The following EYS variants were observed in gnomAD, a reference collection of about 807,000 sequenced individuals.
EYS encodes the protein EGF-like photoreceptor maintenance factor.
Under a neutral mutation model 282.1 loss-of-function variants are expected in EYS, and 250 were observed. The observed-to-expected ratio is 0.89, with a 90% confidence interval of 0.80 to 0.98. The LOEUF is 0.98. Among genes scored for constraint, EYS ranks in the 50% least tolerant of loss-of-function variants. EYS has a pLI of 0.00. For missense variants in EYS, 4,016 were observed against 3,709.0 expected (o/e 1.08, Z -2.15); for synonymous variants, 1,355 against 1,282.9 (o/e 1.06, Z -1.20).
At chr6:64,268,326 T>C (rs74996682) in intron 30 of EYS, among the ~76,000 whole-genome samples, 1,658 of 152,254 alleles carry the variant, frequency 0.011, 33 homozygotes, top group African/African-American at 0.038. Flanking sequence ...AGTGTATATA[T>C]GAATAGACAA....
chr6:65,153,890 G>A (rs986319163), intron 12 of EYS, among the ~76,000 whole-genome samples: 26 of 151,738 alleles, frequency 1.7e-4, no homozygotes, highest in Non-Finnish European at 3.2e-4. Flanking sequence ...CTCTTCACAA[G>A]TGACATTTAT....
At chr6:65,393,178 G>C (rs1015481532) in intron 7 of EYS, among the ~76,000 whole-genome samples, 5 of 151,834 alleles carry the variant, frequency 3.3e-5, no homozygotes, top group Non-Finnish European at 7.4e-5. Context: ...GTTGTGGGGT[G>C]GGGGGACGGG....
chr6:65,135,751 A>T (rs1348597397), intron 12 of EYS, among the ~76,000 whole-genome samples: 1 of 151,878 alleles, frequency 6.6e-6, no homozygotes, highest in Non-Finnish European at 1.5e-5. Context: ...GATATGGTTC[A>T]TCTGGAATTT....
intron 13 of EYS, among the ~76,000 whole-genome samples, chr6:65,053,787 A>G (rs1013555303): frequency 6.6e-6 from 1 of 151,946 alleles, no homozygotes; most frequent in Non-Finnish European, 1.5e-5. Context: ...AAAGGCCTGG[A>G]TATTCTCCCA....
chr6:65,302,546 TA>T, intron 11 of EYS: 1 of 943,550 alleles, frequency 1.1e-6, no homozygotes, highest in Non-Finnish European at 1.7e-6. Context: ...AGAAGACTGC[TA>T]TTTTTTTTTC....
intron 29 of EYS, among the ~76,000 whole-genome samples, chr6:64,380,172 G>A (rs945225441): frequency 2.0e-5 from 3 of 151,832 alleles, no homozygotes; most frequent in African/African-American, 7.3e-5. Context: ...CATTCTCTCT[G>A]AGGGTAAAGA....
chr6:64,095,013 C>T (rs902858727), intron 31 of EYS, among the ~76,000 whole-genome samples: 1 of 151,956 alleles, frequency 6.6e-6, no homozygotes, highest in Non-Finnish European at 1.5e-5. Flanking sequence ...CATTATGTAC[C>T]CAGTAGTCAT....
intron 13 of EYS, among the ~76,000 whole-genome samples, chr6:65,007,658 C>A (rs553852739): frequency 6.6e-6 from 1 of 152,036 alleles, no homozygotes; most frequent in Non-Finnish European, 1.5e-5. Flanking sequence ...TGAATAAGGA[C>A]CCCCCTTCAA....
chr6:64,793,743 T>C (rs1774262094), intron 22 of EYS, among the ~76,000 whole-genome samples: 1 of 152,198 alleles, frequency 6.6e-6, no homozygotes, highest in African/African-American at 2.4e-5. Flanking sequence ...ATTACATAAG[T>C]TGAAATTTTA....
At chr6:64,225,773 A>T in intron 31 of EYS, among the ~76,000 whole-genome samples, 1 of 152,104 alleles carries the variant, frequency 6.6e-6, no homozygotes, top group East Asian at 1.9e-4. Flanking sequence ...GTAGTAGTTC[A>T]TAGTGAAGAG....
chr6:64,163,684 T>C (rs1775179112), intron 31 of EYS, among the ~76,000 whole-genome samples: 1 of 152,126 alleles, frequency 6.6e-6, no homozygotes, highest in African/African-American at 2.4e-5. Context: ...TTGCACATGG[T>C]ACTTAAGGCA....
At chr6:65,308,041 C>T (rs896405294) in intron 11 of EYS, among the ~76,000 whole-genome samples, 1 of 140,820 alleles carries the variant, frequency 7.1e-6, no homozygotes, top group African/African-American at 2.7e-5. Flanking sequence ...GGTGTGATCT[C>T]AGCTCACTGC....
chr6:63,895,836 A>G (rs758962620), intron 35 of EYS, among the ~76,000 whole-genome samples: 2 of 150,970 alleles, frequency 1.3e-5, no homozygotes, highest in African/African-American at 2.4e-5. Flanking sequence ...TCCGCTTAAT[A>G]CACTCTTTCT....
intron 18 of EYS, among the ~76,000 whole-genome samples, chr6:64,895,751 A>G (rs1178169278): frequency 6.6e-6 from 1 of 152,184 alleles, no homozygotes; most frequent in Non-Finnish European, 1.5e-5. Context: ...AAAAATAAGA[A>G]TCTGAGTTTA....
intron 33 of EYS, among the ~76,000 whole-genome samples, chr6:64,058,289 T>C (rs1045684518): frequency 2.0e-5 from 3 of 151,364 alleles, no homozygotes; most frequent in East Asian, 3.9e-4. Flanking sequence ...AAAAATAGAA[T>C]GGTCTATATT....
intron 2 of EYS, among the ~76,000 whole-genome samples, chr6:65,512,783 C>G (rs1488559146): frequency 6.6e-6 from 1 of 151,954 alleles, no homozygotes; most frequent in African/African-American, 2.4e-5. Flanking sequence ...GGGACACATT[C>G]AAAGCAGTGT....
At chr6:64,929,150 C>T (rs1162794261) in intron 15 of EYS, among the ~76,000 whole-genome samples, 3 of 152,038 alleles carry the variant, frequency 2.0e-5, no homozygotes, top group African/African-American at 7.2e-5. Flanking sequence ...GGACCACTGT[C>T]TTTTAAAAAG....
At chr6:64,837,363 A>G (rs953250138) in intron 19 of EYS, among the ~76,000 whole-genome samples, 1 of 151,452 alleles carries the variant, frequency 6.6e-6, no homozygotes, top group African/African-American at 2.4e-5. Flanking sequence ...ACAAAGCCAT[A>G]GCTAACAACA....
At chr6:64,879,421 T>C (rs1160187680) in intron 19 of EYS, among the ~76,000 whole-genome samples, 1 of 151,490 alleles carries the variant, frequency 6.6e-6, no homozygotes, top group Non-Finnish European at 1.5e-5. Context: ...AATAGATACA[T>C]AAACAAGAAA....
Sources: gnomAD v4.1 joint callset for allele counts (sites outside exome capture counted in the v4.1 genomes callset) on GRCh38, gnomAD v4.1.1 for gene constraint, MANE v1.5 for transcripts, NCBI Gene and HGNC (gene_info 2026-07-23, HGNC 2026-07-21) for gene names.